Variants in KCNQ1 observed in about 807,000 individuals in gnomAD.
The protein encoded by KCNQ1 is potassium voltage-gated channel subfamily KQT member 1.
KCNQ1 carries 49 observed loss-of-function variants against 72.4 expected under a neutral mutation model. The observed-to-expected ratio is 0.68, with a 90% confidence interval of 0.54 to 0.86. KCNQ1 has a LOEUF of 0.86. Ranked by LOEUF, KCNQ1 falls within the 40% of genes least tolerant of loss-of-function variation. KCNQ1 has a pLI of 0.00. For missense variants in KCNQ1, 790 were observed against 945.1 expected (o/e 0.84, Z 2.15); for synonymous variants, 450 against 412.6 (o/e 1.09, Z -1.10).
intron 15 of KCNQ1, among the ~76,000 whole-genome samples, chr11:2,833,873 C>T (rs895191878): frequency 6.6e-6 from 1 of 152,154 alleles, no homozygotes; most frequent in Admixed American, 6.5e-5. Context: ...CGGCGGGGAG[C>T]GGGGCTTGCC....
chr11:2,759,956 G>A lies in KCNQ1; in HGVS notation c.1515-8888G>A, dbSNP rs2133972228. On this transcript the variant is annotated intron_variant, in intron 11 of 15. Coordinates refer to ENST00000155840, the MANE Select transcript of KCNQ1 (RefSeq NM_000218.3). The surrounding 1 kb of genome is among the most constrained non-coding windows in gnomAD (Gnocchi z 4.4). ...GGCCTCAGGATCTGCCTGGATGGAGGCCAGGCCGCTGAGCTGCTGGGAATC... is the reference window on the plus strand; with the variant it reads ...GGCCTCAGGATCTGCCTGGATGGAGACCAGGCCGCTGAGCTGCTGGGAATC... 6.6e-6 allele frequency among the ~76,000 whole-genome samples: 1 copy of A among 152,342 alleles called. No homozygotes were observed. The highest frequency in any genetic ancestry group is 1.5e-5 in the Non-Finnish European group (1 of 68,020).
At chr11:2,730,501 C>G (rs1445348634) in intron 11 of KCNQ1, among the ~76,000 whole-genome samples, 1 of 152,192 alleles carries the variant, frequency 6.6e-6, no homozygotes, top group African/African-American at 2.4e-5. Flanking sequence ...TTCACAACCT[C>G]CCTTCCTCCC....
At chr11:2,705,126 C>A (rs1289515143) in intron 11 of KCNQ1, among the ~76,000 whole-genome samples, 1 of 152,208 alleles carries the variant, frequency 6.6e-6, no homozygotes, top group Non-Finnish European at 1.5e-5. Flanking sequence ...CATGCAAGAG[C>A]AGCCTCAGCA....
chr11:2,847,047 T>G (rs1848344793), intron 15 of KCNQ1, among the ~76,000 whole-genome samples: 1 of 152,116 alleles, frequency 6.6e-6, no homozygotes, highest in Admixed American at 6.5e-5. Flanking sequence ...AATAGTGGTG[T>G]CCCCGCTAGG....
At chr11:2,771,762 C>T (rs1046502613) in intron 12 of KCNQ1, among the ~76,000 whole-genome samples, 1 of 152,072 alleles carries the variant, frequency 6.6e-6, no homozygotes. Flanking sequence ...AGATCATCTG[C>T]GCCAGCCCCA....
Position 2,464,755 on chromosome 11 carries a change from G to C in KCNQ1, c.386+19271G>C, listed in dbSNP as rs1466105998. Reference sequence around the variant, plus strand: ...GAACAGTCTGGGCGAGGAGGAAAGGGTGGCTCTGCTGACCCCTCCTAGGTG... The same window carrying C: ...GAACAGTCTGGGCGAGGAGGAAAGGCTGGCTCTGCTGACCCCTCCTAGGTG... On this transcript the variant is annotated intron_variant, in intron 1 of 15. Coordinates refer to ENST00000155840, the MANE Select transcript of KCNQ1 (RefSeq NM_000218.3). This position sits in a 1 kb window ranked among gnomAD's most constrained non-coding sequence, Gnocchi z 5.0. 6.6e-6 allele frequency among the ~76,000 whole-genome samples: 1 copy of C among 152,030 alleles called. No individual in the cohort carries two copies.
rs1396410764 is a variant in KCNQ1, at chr11:2,584,981, C to T, written c.1033-231C>T. ...CCCTGGGAATGGGTTAGAGCGGCTG[C>T]AGCCCTGCCCCATGGGACTGGGCCC... On this transcript the variant is annotated intron_variant, in intron 7 of 15. Coordinates refer to ENST00000155840, the MANE Select transcript of KCNQ1 (RefSeq NM_000218.3). 1.3e-5 allele frequency among the ~76,000 whole-genome samples: 2 copies of T among 152,220 alleles called. 1 individual carries two copies. The highest frequency in any genetic ancestry group is 2.9e-5 in the Non-Finnish European group (2 of 68,028).
At chr11:2,843,013 T>A (rs1848245900) in intron 15 of KCNQ1, among the ~76,000 whole-genome samples, 1 of 152,222 alleles carries the variant, frequency 6.6e-6, no homozygotes, top group African/African-American at 2.4e-5. Flanking sequence ...CACACACGCC[T>A]GCCTGCACGC....
At chr11:2,576,752 A>G (rs561303398) in intron 6 of KCNQ1, among the ~76,000 whole-genome samples, 89 of 152,312 alleles carry the variant, frequency 5.8e-4, no homozygotes, top group African/African-American at 2.0e-3. Context: ...AGGGCCTCCC[A>G]GACAGTCACA....
At chr11:2,454,151 A>T (rs1158333195) in intron 1 of KCNQ1, among the ~76,000 whole-genome samples, 1 of 152,092 alleles carries the variant, frequency 6.6e-6, no homozygotes, top group East Asian at 1.9e-4. Flanking sequence ...GGAGGATGCA[A>T]GTCTGGATGT....
chr11:2,661,246 A>G lies in KCNQ1; in HGVS notation c.1394-715A>G. On this transcript the variant is annotated intron_variant, in intron 10 of 15. Coordinates refer to ENST00000155840, the MANE Select transcript of KCNQ1 (RefSeq NM_000218.3). The surrounding 1 kb of genome is among the most constrained non-coding windows in gnomAD (Gnocchi z 5.9). ...CAGATGAGTACTTAATCCTTTTGCA[A>G]TAAAATATTTAAATGAAGACAAATA... 3 of 399,198 alleles carry G rather than the reference A, an allele frequency of 7.5e-6. No homozygotes were observed. Among genetic ancestry groups the G allele is most frequent in the Non-Finnish European group, 1.3e-5 (3 of 226,514 alleles). 24.7% of individuals were successfully genotyped at this position (399,198 alleles called of 1,614,324 possible).
In KCNQ1 at chr11:2,566,697, A is replaced by G. The variant is rs982748318; in HGVS notation, c.478-3931A>G. ...GACCAAGGACGGCTCTTCTTCTCGT[A>G]TCTACGGGGCAGAGCTCAGGGCCGC... is the stretch of plus-strand genomic sequence containing the variant. On this transcript the variant is annotated intron_variant, in intron 2 of 15. Transcript: ENST00000155840. This position sits in a 1 kb window ranked among gnomAD's most constrained non-coding sequence, Gnocchi z 6.7. Among the ~76,000 whole-genome samples the G allele has an allele frequency of 2.0e-5, 3 of 151,914 alleles. No homozygotes were observed. Among genetic ancestry groups the G allele is most frequent in the Non-Finnish European group, 4.4e-5 (3 of 67,972 alleles).
chr11:2,733,235 C>T (rs1310391747), intron 11 of KCNQ1, among the ~76,000 whole-genome samples: 1 of 139,240 alleles, frequency 7.2e-6, no homozygotes, highest in Non-Finnish European at 1.6e-5. Context: ...CCTCTCTCTG[C>T]CTTCCCTAGT....
At chr11:2,476,925 G>C (rs1453588459) in intron 1 of KCNQ1, among the ~76,000 whole-genome samples, 3 of 152,188 alleles carry the variant, frequency 2.0e-5, no homozygotes, top group Admixed American at 2.0e-4. Context: ...CTGAGCACAA[G>C]TGATCCACCC....
Position 2,749,038 on chromosome 11 carries a change from T to A in KCNQ1, c.1515-19806T>A, listed in dbSNP as rs938056557. 5.3e-5 allele frequency among the ~76,000 whole-genome samples: 8 copies of A among 152,354 alleles called. No homozygotes were observed. In the South Asian group the frequency reaches 1.7e-3, roughly 32 times the overall value. On this transcript the variant is annotated intron_variant, in intron 11 of 15. Transcript: ENST00000155840. ...GTGGTGGCTGTGTCCAGCAAGTCCC[T>A]GTTGCCACTGATAGCATAAAAAGTA...
chr11:2,588,519 C>T lies in KCNQ1; in HGVS notation c.1252-194C>T, dbSNP rs766852558. ...TCACAGGGCAGCACCTGGGCCAAGC[C>T]CCCCACGTGACCCCCAGCAGCCCTG... On this transcript the variant is annotated intron_variant, in intron 9 of 15. Coordinates refer to ENST00000155840, the MANE Select transcript of KCNQ1 (RefSeq NM_000218.3). The surrounding 1 kb of genome is among the most constrained non-coding windows in gnomAD (Gnocchi z 5.6). Among the ~76,000 whole-genome samples, 1 of 152,164 alleles carries T rather than the reference C, an allele frequency of 6.6e-6. No individual in the cohort carries two copies. Among genetic ancestry groups the T allele is most frequent in the Non-Finnish European group, 1.5e-5 (1 of 68,034 alleles).
At chr11:2,839,684 CA>C (rs1056403869) in intron 15 of KCNQ1, 7 of 152,390 alleles carry the variant, frequency 4.6e-5, no homozygotes, top group African/African-American at 9.6e-5. Flanking sequence ...TCAGCCCCCA[CA>C]GCCGTGGTGC....
At chr11:2,580,836 G>T (rs797005522) in intron 6 of KCNQ1, among the ~76,000 whole-genome samples, 3 of 152,214 alleles carry the variant, frequency 2.0e-5, no homozygotes, top group Non-Finnish European at 4.4e-5. Flanking sequence ...TCCAGGCGGG[G>T]TGGGACTTGG....
chr11:2,776,071 G>A lies in KCNQ1; in HGVS notation c.1685+17G>A, dbSNP rs977469911. On this transcript the variant is annotated intron_variant, in intron 13 of 15. Transcript: ENST00000155840. ...GCAGAGGAGGTGGGCACGGCCAAAC[G>A]GCAGCGGGGAGGGTGCCCAGGTCCT... 44 of 1,545,944 alleles carry A rather than the reference G, an allele frequency of 2.8e-5. No individual in the cohort carries two copies. Among genetic ancestry groups the A allele is most frequent in the Admixed American group, 3.9e-5 (2 of 51,020 alleles).
Sources: gnomAD v4.1 joint callset for allele counts (sites outside exome capture counted in the v4.1 genomes callset) on GRCh38, gnomAD v4.1.1 for gene constraint, Gnocchi (gnomAD v3.1) non-coding constraint, MANE v1.5 for transcripts, NCBI Gene and HGNC (gene_info 2026-07-23, HGNC 2026-07-21) for gene names.